The following GID8 variants were observed in gnomAD, a reference collection of about 807,000 sequenced individuals.
The protein encoded by GID8 is glucose-induced degradation protein 8 homolog.
In GID8, 6 loss-of-function variants were observed where a neutral mutation model predicts 27.4. That is an observed-to-expected ratio of 0.22 (90% CI 0.12 to 0.43). The LOEUF (loss-of-function observed/expected upper bound fraction) is 0.43, where lower values mean the gene tolerates loss of function less well. GID8 is among the 20% of genes least tolerant of loss of function. GID8 has a pLI of 1.00. For missense variants in GID8, 173 were observed against 287.6 expected (o/e 0.60, Z 2.88); for synonymous variants, 112 against 109.0 (o/e 1.03, Z -0.17).
chr20:62,945,358 T>TG lies in GID8; in HGVS notation c.*446_*447insG, dbSNP rs1203394340. Reference sequence around the variant, plus strand: ...TTCCTTACCCCTGTGGTTTTTGTGTTTTTTTTTTTTTCTTTTTCCATAGGA... The same window carrying TG: ...TTCCTTACCCCTGTGGTTTTTGTGTTGTTTTTTTTTTTCTTTTTCCATAGGA... On this transcript the variant is annotated 3_prime_UTR_variant, in exon 5 of 5. Coordinates refer to ENST00000266069, the MANE Select transcript of GID8 (RefSeq NM_017896.3). The TG allele has an allele frequency of 3.5e-6, 3 of 845,238 alleles. No homozygotes were observed. The highest frequency in any genetic ancestry group is 2.8e-5 in the African/African-American group (1 of 35,548). 52.4% of individuals were successfully genotyped at this position (845,238 alleles called of 1,614,324 possible). A position where few individuals can be genotyped will look rare whatever the true frequency, so the allele number is the denominator to read the frequency against.
Position 62,941,535 on chromosome 20 carries a change from G to C in GID8, c.33G>C (p.Thr11=), listed in dbSNP as rs182391702. MSYAEKPDEI[T]KDEWMEKLNN... ...ATGCAGAAAAACCCGATGAAATCAC[G>C]AAAGATGAGTGGATGGAAAAGCTCA... The change falls in exon 2 of 5, where the codon ACG becomes ACC. Residue 11 remains threonine, a synonymous_variant. Transcript: ENST00000266069. 36 of 1,612,634 alleles carry C rather than the reference G, an allele frequency of 2.2e-5. No homozygotes were observed. In the Admixed American group the frequency reaches 4.0e-4, roughly 18 times the overall value.
Position 62,945,311 on chromosome 20 carries a change from T to C in GID8, c.*399T>C, listed in dbSNP as rs924366966. ...TGCTTTCTGTTAGCTTAGGCAGACATTGGGCCTTCACCTACAAGTTTTTCC... is the reference window on the plus strand; with the variant it reads ...TGCTTTCTGTTAGCTTAGGCAGACACTGGGCCTTCACCTACAAGTTTTTCC... On this transcript the variant is annotated 3_prime_UTR_variant, in exon 5 of 5. Coordinates refer to ENST00000266069, the MANE Select transcript of GID8 (RefSeq NM_017896.3). The C allele has an allele frequency of 1.6e-5, 16 of 1,000,486 alleles. No homozygotes were observed. In the African/African-American group the frequency reaches 2.4e-4, roughly 15 times the overall value. The allele number at this position is 1,000,486 out of a possible 1,614,324, so 62.0% of individuals were successfully genotyped here.
rs1001833701 is a variant in GID8, at chr20:62,947,109, G to C, written c.*2197G>C. On this transcript the variant is annotated 3_prime_UTR_variant, in exon 5 of 5. Transcript: ENST00000266069. The stretch of plus-strand genomic sequence containing the variant: ...GTGGGTAGCTGATAAGCCAGTGCCA[G>C]CATCCAGCATGAGCAGATGTCGGGG... The C allele has an allele frequency of 1.3e-5, 2 of 152,234 alleles. No individual in the cohort carries two copies. The highest frequency in any genetic ancestry group is 2.4e-5 in the African/African-American group (1 of 41,448). 9.4% of individuals were successfully genotyped at this position (152,234 alleles called of 1,614,324 possible).
Position 62,947,794 on chromosome 20 carries a change from C to G in GID8, c.*2882C>G, listed in dbSNP as rs1300291248. ...GGTGGAGCTGCTCCTTCCATTCCGT[C>G]AGGACGTGATCTGAAAACATGTAGA... On this transcript the variant is annotated 3_prime_UTR_variant, in exon 5 of 5. Transcript: ENST00000266069. 6.6e-6 allele frequency: 1 copy of G among 152,230 alleles called. No homozygotes were observed. The highest frequency in any genetic ancestry group is 2.4e-5 in the African/African-American group (1 of 41,438). 9.4% of individuals were successfully genotyped at this position (152,230 alleles called of 1,614,324 possible). A position where few individuals can be genotyped will look rare whatever the true frequency, so the allele number is the denominator to read the frequency against.
chr20:62,942,916 C>G, intron 2 of GID8, 71 bp from the exon 3 acceptor site: 1 of 1,125,032 alleles, frequency 8.9e-7, no homozygotes, highest in African/African-American at 1.5e-5. Context: ...ATTGGAGTTT[C>G]TGGAGATACA....
chr20:62,943,821 G>T lies in GID8; in HGVS notation c.513+129G>T. The T allele has an allele frequency of 1.4e-5, 9 of 638,580 alleles. No individual in the cohort carries two copies. The highest frequency in any genetic ancestry group is 2.2e-5 in the Non-Finnish European group (8 of 371,204). 39.6% of individuals were successfully genotyped at this position (638,580 alleles called of 1,614,324 possible). A position where few individuals can be genotyped will look rare whatever the true frequency, so the allele number is the denominator to read the frequency against. On this transcript the variant is annotated intron_variant, in intron 4 of 4. Transcript: ENST00000266069. The surrounding 1 kb of genome is among the most constrained non-coding windows in gnomAD (Gnocchi z 4.7). ...GTGGCTTCTGTGCCTGGGATGCTAA[G>T]TGGTTCCTTCATGGCTTTTTTTTTT...
Position 62,945,039 on chromosome 20 carries a change from C to T in GID8, c.*127C>T, listed in dbSNP as rs1601073406. 4.9e-6 allele frequency: 7 copies of T among 1,432,364 alleles called. No individual in the cohort carries two copies. The East Asian group carries it at 1.8e-4, about 36-fold the overall frequency. The allele number at this position is 1,432,364 out of a possible 1,614,324, so 88.7% of individuals were successfully genotyped here. ...TTTCTCCCTTGTACTTTTTTTTGACCTGGCATCTTTTTATAGGGAAAAATG... is the reference window on the plus strand; with the variant it reads ...TTTCTCCCTTGTACTTTTTTTTGACTTGGCATCTTTTTATAGGGAAAAATG... On this transcript the variant is annotated 3_prime_UTR_variant, in exon 5 of 5. Coordinates refer to ENST00000266069, the MANE Select transcript of GID8 (RefSeq NM_017896.3).
rs946705954 is a variant in GID8, at chr20:62,946,218, A to G, written c.*1306A>G. The G allele has an allele frequency of 2.9e-6, 1 of 343,154 alleles. No individual in the cohort carries two copies. The allele number at this position is 343,154 out of a possible 1,614,324, so 21.3% of individuals were successfully genotyped here. A position where few individuals can be genotyped will look rare whatever the true frequency, so the allele number is the denominator to read the frequency against. On this transcript the variant is annotated 3_prime_UTR_variant, in exon 5 of 5. Coordinates refer to ENST00000266069, the MANE Select transcript of GID8 (RefSeq NM_017896.3). Reference sequence around the variant, plus strand: ...GAGCCTGCCGGCGCATCTGAGGGGCAGAATGCTGCTAGCACTTGAATCTGG... The same window carrying G: ...GAGCCTGCCGGCGCATCTGAGGGGCGGAATGCTGCTAGCACTTGAATCTGG...
chr20:62,945,493 T>G lies in GID8; in HGVS notation c.*581T>G. On this transcript the variant is annotated 3_prime_UTR_variant, in exon 5 of 5. Transcript: ENST00000266069. ...GGTTGTGTGGCTTTTGGGGGATGCG[T>G]GTGAGGGGGCTATGTGTTTTTTAAT... The G allele has an allele frequency of 1.9e-6, 2 of 1,031,570 alleles. No individual in the cohort carries two copies. Among genetic ancestry groups the G allele is most frequent in the Non-Finnish European group, 2.3e-6 (2 of 856,702 alleles). 63.9% of individuals were successfully genotyped at this position (1,031,570 alleles called of 1,614,324 possible). A position where few individuals can be genotyped will look rare whatever the true frequency, so the allele number is the denominator to read the frequency against.
chr20:62,941,974 A>C (rs1453252264), intron 2 of GID8, among the ~76,000 whole-genome samples: 1 of 152,232 alleles, frequency 6.6e-6, no homozygotes, highest in Non-Finnish European at 1.5e-5. Flanking sequence ...AGTATGCCCA[A>C]CTCAGAGGAT....
In GID8 at chr20:62,943,525, C is replaced by G; in HGVS notation, c.346C>G (p.Arg116Gly). The G allele has an allele frequency of 1.2e-6, 2 of 1,612,716 alleles. No homozygotes were observed. Among genetic ancestry groups the G allele is most frequent in the East Asian group, 4.5e-5 (2 of 44,884 alleles). The part of the protein sequence containing the change: ...QQHLIELIRQ[R>G]ETEAALEFAQ... Reference sequence around the variant, plus strand: ...GCATTTGATCGAGCTGATCCGCCAGCGGGAGACAGAGGCGGCGCTGGAGTT... The same window carrying G: ...GCATTTGATCGAGCTGATCCGCCAGGGGGAGACAGAGGCGGCGCTGGAGTT... Residue 116 changes from arginine to glycine, a missense_variant, in exon 4 of 5, where the codon CGG becomes GGG. Transcript: ENST00000266069. The surrounding 1 kb of genome is among the most constrained non-coding windows in gnomAD (Gnocchi z 4.7).
At chr20:62,938,417 C>T (rs1236083102) in intron 1 of GID8, among the ~76,000 whole-genome samples, 164 bp downstream of exon 1, 2 of 151,812 alleles carry the variant, frequency 1.3e-5, no homozygotes, top group South Asian at 2.1e-4. Context: ...TGAGTCCAGG[C>T]CCGGACGGCC....
intron 1 of GID8, among the ~76,000 whole-genome samples, chr20:62,939,568 C>G (rs1051318207): frequency 6.6e-6 from 1 of 152,164 alleles, no homozygotes; most frequent in African/African-American, 2.4e-5. Flanking sequence ...TCTTCCAGTC[C>G]TTCCTCCTTA....
chr20:62,944,908 A>C lies in GID8; in HGVS notation c.683A>C (p.Lys228Thr). ...AGCAAGGGTGTGATTGAGGAGCCCA[A>C]GTAGCGCCTGCGCTTGCGTGGTGGA... The part of the protein sequence containing the change: ...DLSKGVIEEP[K>T] Residue 228 changes from lysine (K) to threonine (T), a missense_variant, in exon 5 of 5, where the codon AAG (lysine) becomes ACG (threonine). Transcript: ENST00000266069. 1 of 1,611,318 alleles carries C rather than the reference A, an allele frequency of 6.2e-7. No individual in the cohort carries two copies. Among genetic ancestry groups the C allele is most frequent in the Non-Finnish European group, 8.5e-7 (1 of 1,178,502 alleles).
Position 62,946,387 on chromosome 20 carries a change from TC to T in GID8, c.*1476del, listed in dbSNP as rs3842444. On this transcript the variant is annotated 3_prime_UTR_variant, in exon 5 of 5. Coordinates refer to ENST00000266069, the MANE Select transcript of GID8 (RefSeq NM_017896.3). The stretch of plus-strand genomic sequence containing the variant: ...AGCTCCTGCATCCCTTGAGTGTTGA[TC>T]AGGAGGCGTCCACAGCATTGTTCTC... 37,267 of 199,754 alleles carry T rather than the reference TC, an allele frequency of 0.19. 4,070 individuals carry two copies. The highest frequency in any genetic ancestry group is 0.33 in the East Asian group (2,132 of 6,494). The allele number at this position is 199,754 out of a possible 1,614,324, so 12.4% of individuals were successfully genotyped here. A position where few individuals can be genotyped will look rare whatever the true frequency, so the allele number is the denominator to read the frequency against.
rs2065451909 is a variant in GID8 at position 62,943,321 on chromosome 20, C to T, written c.315+138C>T. 1.8e-5 allele frequency: 17 copies of T among 931,144 alleles called. 1 individual carries two copies. In the South Asian group the frequency reaches 2.2e-4, roughly 12 times the overall value. The allele number at this position is 931,144 out of a possible 1,614,324, so 57.7% of individuals were successfully genotyped here. A position where few individuals can be genotyped will look rare whatever the true frequency, so the allele number is the denominator to read the frequency against. On this transcript the variant is annotated intron_variant, in intron 3 of 4. Transcript: ENST00000266069. This position sits in a 1 kb window ranked among gnomAD's most constrained non-coding sequence, Gnocchi z 4.7. Reference sequence around the variant, plus strand: ...TGTGAGGGGGAGAGGTTTGAGTTTGCTCTTTTATGTAGTTCAGAAGCGGTT... The same window carrying T: ...TGTGAGGGGGAGAGGTTTGAGTTTGTTCTTTTATGTAGTTCAGAAGCGGTT...
In GID8 at chr20:62,946,167, T is replaced by C; in HGVS notation, c.*1255T>C. The stretch of plus-strand genomic sequence containing the variant: ...GGATGTTCGTGGAATTGCTGACCCA[T>C]CCAAGGGCGTCCTTTGGAGCCAGTG... On this transcript the variant is annotated 3_prime_UTR_variant, in exon 5 of 5. Coordinates refer to ENST00000266069, the MANE Select transcript of GID8 (RefSeq NM_017896.3). 1 of 497,290 alleles carries C rather than the reference T, an allele frequency of 2.0e-6. No individual in the cohort carries two copies. The highest frequency in any genetic ancestry group is 3.3e-6 in the Non-Finnish European group (1 of 306,266). The allele number at this position is 497,290 out of a possible 1,614,324, so 30.8% of individuals were successfully genotyped here.
rs1245174923 is a variant in GID8, at chr20:62,945,802, T to C, written c.*890T>C. The C allele has an allele frequency of 4.7e-6, 6 of 1,285,594 alleles. No homozygotes were observed. In the South Asian group the frequency reaches 6.2e-5, roughly 13 times the overall value. The allele number at this position is 1,285,594 out of a possible 1,614,324, so 79.6% of individuals were successfully genotyped here. ...GCCTTCATTAGAGCGAGGCAGCCCT[T>C]GGCCGGTGGGGACGCAGAGCCCCAG... On this transcript the variant is annotated 3_prime_UTR_variant, in exon 5 of 5. Coordinates refer to ENST00000266069, the MANE Select transcript of GID8 (RefSeq NM_017896.3).
rs369275805 is a variant in GID8 at position 62,943,721 on chromosome 20, C to G, written c.513+29C>G. ...GGGCCTGCCAGAGGGAAGCTTTCTT[C>G]CATTCCCCATGTGCTCTGAGGGGGC... On this transcript the variant is annotated intron_variant, in intron 4 of 4. Coordinates refer to ENST00000266069, the MANE Select transcript of GID8 (RefSeq NM_017896.3). This position sits in a 1 kb window ranked among gnomAD's most constrained non-coding sequence, Gnocchi z 4.7. The G allele has an allele frequency of 6.4e-7, 1 of 1,561,166 alleles. No individual in the cohort carries two copies. Among genetic ancestry groups the G allele is most frequent in the Non-Finnish European group, 8.8e-7 (1 of 1,133,208 alleles).
Sources: gnomAD v4.1 joint callset for allele counts (sites outside exome capture counted in the v4.1 genomes callset) on GRCh38, gnomAD v4.1.1 for gene constraint, Gnocchi (gnomAD v3.1) non-coding constraint, MANE v1.5 for transcripts, NCBI Gene and HGNC (gene_info 2026-07-23, HGNC 2026-07-21) for gene names.